Variants in ATXN1 observed in about 807,000 individuals in gnomAD.
ATXN1 encodes the protein ataxin-1.
A neutral mutation model predicts 56.4 loss-of-function variants in ATXN1; 8 were observed. The ratio of observed to expected loss-of-function variants is 0.14; its 90% CI spans 0.08 to 0.26. The LOEUF is 0.26. ATXN1 is among the 10% of genes least tolerant of loss of function. The pLI, the probability that ATXN1 is intolerant of heterozygous loss-of-function variation, is 1.00. For missense variants in ATXN1, 987 were observed against 1,106.5 expected, an observed-to-expected ratio of 0.89 and a Z score of 1.53; for synonymous variants, 514 against 494.6, an observed-to-expected ratio of 1.04 and a Z score of -0.52.
intron 4 of ATXN1, among the ~76,000 whole-genome samples, chr6:16,560,583 C>G (rs78322985): frequency 0.08 from 12,228 of 152,092 alleles, 1,599 homozygotes; most frequent in African/African-American, 0.27. Context: ...CTCAGACACC[C>G]GTCTTGGAGG....
chr6:16,574,190 C>A (rs1237182524), intron 4 of ATXN1, among the ~76,000 whole-genome samples: 1 of 152,028 alleles, frequency 6.6e-6, no homozygotes, highest in Non-Finnish European at 1.5e-5. Flanking sequence ...CCATGCCTAG[C>A]TAATTTTTGT....
At chr6:16,751,148 T>C (rs1479202316) in intron 2 of ATXN1, among the ~76,000 whole-genome samples, 1 of 152,040 alleles carries the variant, frequency 6.6e-6, no homozygotes, top group African/African-American at 2.4e-5. Context: ...TTTATATTTT[T>C]AGTAGAGACA....
chr6:16,760,427 G>T lies in ATXN1; in HGVS notation c.-730+871C>A, dbSNP rs985221652. 2.6e-5 allele frequency among the ~76,000 whole-genome samples: 4 copies of T among 151,284 alleles called. No homozygotes were observed. Among genetic ancestry groups the T allele is most frequent in the African/African-American group, 9.7e-5 (4 of 41,306 alleles). On this transcript the variant is annotated intron_variant, in intron 1 of 7. Coordinates refer to ENST00000436367, the MANE Select transcript of ATXN1 (RefSeq NM_001128164.2). The surrounding 1 kb of genome is among the most constrained non-coding windows in gnomAD (Gnocchi z 5.3). ...CTCCCGGCTCCGGGCGGCGGCTGCC[G>T]CTGCACATGATCAGGAAGCGGCCGC...
chr6:16,390,364 G>A (rs145491853), intron 6 of ATXN1, among the ~76,000 whole-genome samples: 1 of 152,218 alleles, frequency 6.6e-6, no homozygotes, highest in East Asian at 1.9e-4. Flanking sequence ...GCCCCACTGA[G>A]AGCTTTGCTG....
At chr6:16,606,517 T>C (rs1019093076) in intron 3 of ATXN1, among the ~76,000 whole-genome samples, 3 of 89,744 alleles carry the variant, frequency 3.3e-5, no homozygotes, top group Non-Finnish European at 7.3e-5. Context: ...TTTTTTTGTT[T>C]GTGGGTTTTT....
intron 6 of ATXN1, among the ~76,000 whole-genome samples, chr6:16,476,523 C>CAA (rs201571540): frequency 8.7e-5 from 12 of 138,536 alleles, no homozygotes; most frequent in Non-Finnish European, 1.4e-4. Context: ...TATAATAATC[C>CAA]AAAAAAAAAA....
At chr6:16,556,930 C>A (rs987519707) in intron 4 of ATXN1, among the ~76,000 whole-genome samples, 2 of 152,106 alleles carry the variant, frequency 1.3e-5, no homozygotes, top group African/African-American at 2.4e-5. Flanking sequence ...AAATCAATAA[C>A]CTTTCTAAAG....
chr6:16,478,017 C>T (rs1203740025), intron 6 of ATXN1, among the ~76,000 whole-genome samples: 8 of 152,182 alleles, frequency 5.3e-5, no homozygotes, highest in Admixed American at 1.3e-4. Flanking sequence ...TTGCCTTTAA[C>T]GAAGTGCCAG....
At position 16,566,343 on chromosome 6, in the gene ATXN1, C is replaced by T. The variant is rs200505466; in HGVS notation, c.-361+19437G>A. Reference sequence around the variant, plus strand: ...CATGTTTTTTGTAGGGTCAAAGAGACGGCTAAGAGATCCCCTTAATTAATA... The same window carrying T: ...CATGTTTTTTGTAGGGTCAAAGAGATGGCTAAGAGATCCCCTTAATTAATA... On this transcript the variant is annotated intron_variant, in intron 4 of 7. Transcript: ENST00000436367. Among the ~76,000 whole-genome samples, 635 of 152,156 alleles carry T rather than the reference C, an allele frequency of 4.2e-3. 3 individuals carry two copies. Among genetic ancestry groups the T allele is most frequent in the African/African-American group, 0.014 (563 of 41,500 alleles).
intron 3 of ATXN1, among the ~76,000 whole-genome samples, chr6:16,618,987 T>C (rs1763270327): frequency 6.6e-6 from 1 of 151,960 alleles, no homozygotes; most frequent in African/African-American, 2.4e-5. Context: ...TGAACACGAA[T>C]GGCCAATTTA....
chr6:16,599,360 G>A (rs571296152), intron 3 of ATXN1, among the ~76,000 whole-genome samples: 3 of 152,086 alleles, frequency 2.0e-5, no homozygotes, highest in South Asian at 2.1e-4. Context: ...TTGAAAGGCC[G>A]CTACTAAGAA....
At chr6:16,557,870 G>C (rs2113735245) in intron 4 of ATXN1, among the ~76,000 whole-genome samples, 1 of 152,304 alleles carries the variant, frequency 6.6e-6, no homozygotes, top group Middle Eastern at 3.4e-3. Flanking sequence ...ATAAAAATAT[G>C]AGAAAGAACC....
intron 3 of ATXN1, among the ~76,000 whole-genome samples, chr6:16,609,733 C>G (rs1763071339): frequency 6.6e-6 from 1 of 152,028 alleles, no homozygotes; most frequent in African/African-American, 2.4e-5. Flanking sequence ...CTTATAAGGA[C>G]TTGGTTAACA....
chr6:16,379,603 C>T (rs1479872058), intron 6 of ATXN1, among the ~76,000 whole-genome samples: 2 of 152,160 alleles, frequency 1.3e-5, no homozygotes, highest in East Asian at 3.8e-4. Context: ...AATAACCATA[C>T]ACTGAACATC....
chr6:16,316,165 C>T (rs149598108), intron 7 of ATXN1, among the ~76,000 whole-genome samples: 3 of 152,226 alleles, frequency 2.0e-5, no homozygotes, highest in South Asian at 2.1e-4. Context: ...TTGTAAACTG[C>T]GCATGCAAGG....
intron 1 of ATXN1, among the ~76,000 whole-genome samples, chr6:16,756,337 C>T (rs1760886691): frequency 6.6e-6 from 1 of 152,008 alleles, no homozygotes; most frequent in Admixed American, 6.5e-5. Flanking sequence ...TGAATGAGTA[C>T]ATTTATTTTA....
intron 5 of ATXN1, among the ~76,000 whole-genome samples, chr6:16,516,255 C>T (rs1262408751): frequency 2.0e-5 from 3 of 152,308 alleles, no homozygotes; most frequent in African/African-American, 7.2e-5. Context: ...TATATTACTG[C>T]TACAACACCA....
chr6:16,402,242 G>GTTTTTTTTTTTTTTT (rs58048762), intron 6 of ATXN1, among the ~76,000 whole-genome samples: 1 of 62,118 alleles, frequency 1.6e-5, no homozygotes, highest in Non-Finnish European at 2.9e-5. Flanking sequence ...ACCACTGACA[G>GTTTTTTTTTTTTTTT]TTTTTTTTTT....
chr6:16,533,376 G>A (rs1761540427), intron 4 of ATXN1, among the ~76,000 whole-genome samples: 3 of 152,170 alleles, frequency 2.0e-5, no homozygotes, highest in East Asian at 1.9e-4. Context: ...CTGTGACCTC[G>A]TTTGAGTGTT....
Sources: gnomAD v4.1 joint callset for allele counts (sites outside exome capture counted in the v4.1 genomes callset) on GRCh38, gnomAD v4.1.1 for gene constraint, Gnocchi (gnomAD v3.1) non-coding constraint, MANE v1.5 for transcripts, NCBI Gene and HGNC (gene_info 2026-07-23, HGNC 2026-07-21) for gene names.